LDLRAD4: variants seen among roughly 807,000 people sequenced by gnomAD.
LDLRAD4 encodes low-density lipoprotein receptor class A domain-containing protein 4.
A neutral mutation model predicts 17.0 loss-of-function variants in LDLRAD4; 5 were observed. The ratio of observed to expected loss-of-function variants is 0.29; its 90% confidence interval spans 0.15 to 0.62. LDLRAD4 has a LOEUF of 0.62. Among genes scored for constraint, LDLRAD4 ranks in the 20% least tolerant of loss-of-function variants. The probability of loss-of-function intolerance (pLI) is 0.84; values close to 1 mark genes in which losing one functional copy is unlikely to be tolerated. For missense variants in LDLRAD4, 340 were observed against 424.7 expected (o/e 0.80, Z 1.75); for synonymous variants, 168 against 171.8 (o/e 0.98, Z 0.17).
intron 3 of LDLRAD4, among the ~76,000 whole-genome samples, chr18:13,506,544 C>CTTG (rs2093697156): frequency 6.6e-6 from 1 of 152,108 alleles, no homozygotes; most frequent in African/African-American, 2.4e-5. Flanking sequence ...CAGGGACCAA[C>CTTG]ACAGCTACAT....
intron 1 of LDLRAD4, among the ~76,000 whole-genome samples, chr18:13,355,707 C>T (rs2083295299): frequency 1.3e-5 from 2 of 152,186 alleles, no homozygotes; most frequent in Admixed American, 6.5e-5. Flanking sequence ...TTACAGCTCA[C>T]TGCAGCCTCA....
At chr18:13,275,833 A>G (rs977648694), upstream of LDLRAD4, among the ~76,000 whole-genome samples, 3 of 152,192 alleles carry the variant, frequency 2.0e-5, no homozygotes, top group Non-Finnish European at 2.9e-5. Context: ...GGATGCCAGG[A>G]TGACGGGGAT....
intron 3 of LDLRAD4, among the ~76,000 whole-genome samples, chr18:13,458,583 C>T (rs1007026491): frequency 6.6e-6 from 1 of 152,126 alleles, no homozygotes; most frequent in Non-Finnish European, 1.5e-5. Flanking sequence ...GAATAATGCC[C>T]CCCAACAAAA....
chr18:13,466,287 A>G (rs1197274530), intron 3 of LDLRAD4, among the ~76,000 whole-genome samples: 8 of 151,960 alleles, frequency 5.3e-5, no homozygotes. Context: ...CCTGGGCAAC[A>G]TGGCAAAAGC....
chr18:13,386,069 A>G (rs1568081590), intron 1 of LDLRAD4, among the ~76,000 whole-genome samples: 1 of 152,220 alleles, frequency 6.6e-6, no homozygotes, highest in African/African-American at 2.4e-5. Flanking sequence ...GTTTATAGCA[A>G]CATGTGATTA....
At chr18:13,620,852 A>G in intron 3 of LDLRAD4, 1 of 518,534 alleles carries the variant, frequency 1.9e-6, no homozygotes, top group South Asian at 2.8e-5. Flanking sequence ...AAATAGCTTC[A>G]GTTTGTGGAG....
chr18:13,325,876 C>T (rs1336462834), intron 1 of LDLRAD4, among the ~76,000 whole-genome samples: 1 of 152,130 alleles, frequency 6.6e-6, no homozygotes, highest in Non-Finnish European at 1.5e-5. Flanking sequence ...CCTCAGCCTC[C>T]CGAGTAGCCG....
intron 1 of LDLRAD4, among the ~76,000 whole-genome samples, chr18:13,219,476 C>T (rs1406903774): frequency 6.6e-6 from 1 of 152,142 alleles, no homozygotes; most frequent in African/African-American, 2.4e-5. Flanking sequence ...CCCGGACCAG[C>T]GCTGCTTTCT....
At chr18:13,293,948 G>A (rs181307045) in intron 1 of LDLRAD4, among the ~76,000 whole-genome samples, 35 of 152,276 alleles carry the variant, frequency 2.3e-4, no homozygotes, top group African/African-American at 7.9e-4. Context: ...TGGGGCCAGA[G>A]GAGCACTTTA....
chr18:13,455,252 C>A (rs2092065079), intron 3 of LDLRAD4, among the ~76,000 whole-genome samples: 1 of 152,140 alleles, frequency 6.6e-6, no homozygotes, highest in Non-Finnish European at 1.5e-5. Context: ...GGGGCTTATG[C>A]AAATATTGCA....
At chr18:13,568,691 C>T (rs552902627) in intron 3 of LDLRAD4, among the ~76,000 whole-genome samples, 1 of 152,334 alleles carries the variant, frequency 6.6e-6, no homozygotes, top group Non-Finnish European at 1.5e-5. Context: ...GAGTGCACTT[C>T]ACGCCCCACA....
chr18:13,339,838 A>G (rs2082281276), intron 1 of LDLRAD4, among the ~76,000 whole-genome samples: 1 of 152,202 alleles, frequency 6.6e-6, no homozygotes, highest in African/African-American at 2.4e-5. Flanking sequence ...CAGTGTCATG[A>G]CATTACGTAC....
chr18:13,435,095 G>A (rs1408140437), intron 2 of LDLRAD4, among the ~76,000 whole-genome samples: 1 of 152,226 alleles, frequency 6.6e-6, no homozygotes, highest in Non-Finnish European at 1.5e-5. Context: ...CAATAATCTC[G>A]TGATTAGAGG....
chr18:13,328,280 A>G (rs2081643413), intron 1 of LDLRAD4, among the ~76,000 whole-genome samples: 1 of 152,170 alleles, frequency 6.6e-6, no homozygotes, highest in Non-Finnish European at 1.5e-5. Flanking sequence ...TCATGCCACC[A>G]TTTTTTAAAC....
chr18:13,418,361 C>G (rs1014191288), intron 2 of LDLRAD4, among the ~76,000 whole-genome samples: 3 of 152,252 alleles, frequency 2.0e-5, no homozygotes, highest in African/African-American at 7.2e-5. Context: ...TTTGATCTGC[C>G]TCGCCCCTGA....
intron 3 of LDLRAD4, among the ~76,000 whole-genome samples, chr18:13,586,988 A>G (rs2094944911): frequency 6.6e-6 from 1 of 152,178 alleles, no homozygotes. Flanking sequence ...GGAGTCAGAG[A>G]CCCAGAGAAA....
At chr18:13,236,331 CAG>C (rs1469004743) in intron 1 of LDLRAD4, 3 of 57,296 alleles carry the variant, frequency 5.2e-5, no homozygotes, top group Non-Finnish European at 9.2e-5. Context: ...TTTTTTGAGA[CAG>C]AGTTTTGCTC....
chr18:13,633,958 C>A (rs1436910098), intron 4 of LDLRAD4, among the ~76,000 whole-genome samples: 3 of 152,234 alleles, frequency 2.0e-5, no homozygotes, highest in Middle Eastern at 3.2e-3. Flanking sequence ...ATCTTCACAG[C>A]AGCTGCTCCA....
Position 13,323,557 on chromosome 18 carries a change from GCCAAACT to G in LDLRAD4, c.-383+45376_-383+45382del, listed in dbSNP as rs555926296. Among the ~76,000 whole-genome samples the G allele has an allele frequency of 3.8e-3, 577 of 152,250 alleles. 4 individuals are homozygous for G. Among genetic ancestry groups the G allele is most frequent in the African/African-American group, 0.014 (567 of 41,540 alleles). ...AGTGAGGTGCCACGTTTAAGGAGGC[GCCAAACT>G]CCAAACAAAACAAAACACCCCTCAG... On this transcript the variant is annotated intron_variant, in intron 1 of 5. Transcript: ENST00000359446.
Sources: gnomAD v4.1 joint callset for allele counts (sites outside exome capture counted in the v4.1 genomes callset) on GRCh38, gnomAD v4.1.1 for gene constraint, MANE v1.5 for transcripts, NCBI Gene and HGNC (gene_info 2026-07-23, HGNC 2026-07-21) for gene names.